Variants in SDK1 observed in about 807,000 individuals in gnomAD.
SDK1 encodes the protein sidekick cell adhesion molecule 1.
SDK1 carries 157 observed loss-of-function variants against 245.5 expected under a neutral mutation model. The ratio of observed to expected loss-of-function variants is 0.64; its 90% CI spans 0.56 to 0.73. The LOEUF (loss-of-function observed/expected upper bound fraction) is 0.73. SDK1 is among the 30% of genes least tolerant of loss of function. The pLI, the probability that SDK1 is intolerant of heterozygous loss-of-function variation, is 0.00. For synonymous variants in SDK1, 1,647 were observed against 1,278.5 expected (o/e 1.29, Z -6.15); for missense variants, 3,583 against 3,002.3 (o/e 1.19, Z -4.52).
chr7:4,102,966 A>G (rs866152700), intron 22 of SDK1, among the ~76,000 whole-genome samples: 2 of 151,396 alleles, frequency 1.3e-5, no homozygotes, highest in Non-Finnish European at 3.0e-5. Context: ...AAAAAAAAAA[A>G]AAAAAAAAAA....
chr7:3,597,864 C>T (rs1032829263), intron 1 of SDK1, among the ~76,000 whole-genome samples: 2 of 152,260 alleles, frequency 1.3e-5, no homozygotes, highest in African/African-American at 4.8e-5. Flanking sequence ...TGTCGTTTTC[C>T]ATGTAGGGCA....
chr7:3,576,280 G>A (rs895177673), intron 1 of SDK1, among the ~76,000 whole-genome samples: 4 of 152,100 alleles, frequency 2.6e-5, no homozygotes, highest in Non-Finnish European at 4.4e-5. Flanking sequence ...CGTTGTTTAC[G>A]GAGTGCTGAC....
At chr7:4,074,422 G>A (rs1017334840) in intron 20 of SDK1, among the ~76,000 whole-genome samples, 1 of 152,138 alleles carries the variant, frequency 6.6e-6, no homozygotes, top group African/African-American at 2.4e-5. Context: ...AGCTTTCTGT[G>A]GCTTGGTTTC....
At chr7:4,028,509 T>C (rs901861906) in intron 17 of SDK1, among the ~76,000 whole-genome samples, 1 of 152,184 alleles carries the variant, frequency 6.6e-6, no homozygotes, top group Non-Finnish European at 1.5e-5. Flanking sequence ...CTCCTTAAAA[T>C]AAAGGTCATG....
At chr7:4,087,510 C>A (rs1781503314) in intron 22 of SDK1, among the ~76,000 whole-genome samples, 1 of 151,224 alleles carries the variant, frequency 6.6e-6, no homozygotes. Flanking sequence ...CATTGCTTGA[C>A]TTTCTTAGGA....
At chr7:3,990,541 C>G (rs1461578679) in intron 14 of SDK1, among the ~76,000 whole-genome samples, 1 of 152,236 alleles carries the variant, frequency 6.6e-6, no homozygotes, top group Non-Finnish European at 1.5e-5. Context: ...TAAAACAGGA[C>G]TTGACAGTGA....
intron 1 of SDK1, among the ~76,000 whole-genome samples, chr7:3,396,983 T>C (rs961905586): frequency 5.9e-5 from 9 of 151,804 alleles, no homozygotes; most frequent in African/African-American, 1.9e-4. Flanking sequence ...TTTTCTTAAA[T>C]GCATCATTCT....
chr7:3,632,834 A>G (rs1782339224), intron 2 of SDK1, among the ~76,000 whole-genome samples: 1 of 152,158 alleles, frequency 6.6e-6, no homozygotes, highest in African/African-American at 2.4e-5. Flanking sequence ...TTCAGTTTGA[A>G]TTGTCCTTGT....
rs746810705 is a variant in SDK1, at chr7:4,132,357, G to T, written c.4162G>T (p.Glu1388Ter). 1 of 1,612,632 alleles carries T rather than the reference G, an allele frequency of 6.2e-7. No homozygotes were observed. Among genetic ancestry groups the T allele is most frequent in the Non-Finnish European group, 8.5e-7 (1 of 1,179,088 alleles). The part of the protein sequence containing the change: ...PGPPVRLVFP[E>*]VRLTSVRIVW... Reference sequence around the variant, plus strand: ...CCCACCAGTGAGGCTCGTGTTCCCCGAAGTGAGACTCACCTCCGTGCGGAT... The same window carrying T: ...CCCACCAGTGAGGCTCGTGTTCCCCTAAGTGAGACTCACCTCCGTGCGGAT... Residue 1388 changes from glutamate to a stop codon, truncating the protein, a stop_gained, in exon 28 of 45, where the codon GAA (glutamate) becomes TAA (stop). Coordinates refer to ENST00000404826, the MANE Select transcript of SDK1 (RefSeq NM_152744.4). LOFTEE classifies it high-confidence loss of function.
intron 14 of SDK1, among the ~76,000 whole-genome samples, chr7:3,991,053 ACAGT>A (rs760556089): frequency 5.3e-5 from 8 of 152,306 alleles, no homozygotes; most frequent in Admixed American, 3.9e-4. Context: ...CAGCAAGGAG[ACAGT>A]CAGAGGCATC....
chr7:3,525,853 G>A (rs1285883204), intron 1 of SDK1, among the ~76,000 whole-genome samples: 3 of 152,012 alleles, frequency 2.0e-5, no homozygotes, highest in Non-Finnish European at 4.4e-5. Context: ...ATTTAATTTT[G>A]TTACTTAAAT....
intron 1 of SDK1, among the ~76,000 whole-genome samples, chr7:3,610,002 A>T (rs1192788148): frequency 6.6e-6 from 1 of 152,200 alleles, no homozygotes; most frequent in African/African-American, 2.4e-5. Flanking sequence ...TACCTGGCAT[A>T]GAGCTGGGAT....
intron 5 of SDK1, among the ~76,000 whole-genome samples, chr7:3,880,805 G>A (rs1206342422): frequency 1.3e-5 from 2 of 152,090 alleles, no homozygotes; most frequent in East Asian, 1.9e-4. Flanking sequence ...GCACAGCTTT[G>A]CCGGCTGTGG....
In SDK1 at chr7:3,585,140, C is replaced by T. The variant is rs533724226; in HGVS notation, c.299-33940C>T. Among the ~76,000 whole-genome samples, 5 of 152,290 alleles carry T rather than the reference C, an allele frequency of 3.3e-5. No homozygotes were observed. In the East Asian group the frequency reaches 9.6e-4, roughly 29 times the overall value. ...CGAAATAAAACATCAGCATGTAATC[C>T]TTGCCTCAGCCTCTGCTTTCCAGAG... On this transcript the variant is annotated intron_variant, in intron 1 of 44. Coordinates refer to ENST00000404826, the MANE Select transcript of SDK1 (RefSeq NM_152744.4).
chr7:4,083,830 C>CCTCT (rs906966116), intron 22 of SDK1, among the ~76,000 whole-genome samples: 1 of 137,914 alleles, frequency 7.3e-6, no homozygotes, highest in Admixed American at 7.3e-5. Flanking sequence ...TCTCTCCCTT[C>CCTCT]CTCTCTCTCT....
At chr7:3,733,982 C>T (rs145294730) in intron 4 of SDK1, among the ~76,000 whole-genome samples, 1 of 152,230 alleles carries the variant, frequency 6.6e-6, no homozygotes, top group Non-Finnish European at 1.5e-5. Context: ...CAAGATGATT[C>T]AGATGTAAGT....
At chr7:4,078,865 G>A (rs1362218558) in intron 21 of SDK1, among the ~76,000 whole-genome samples, 1 of 152,158 alleles carries the variant, frequency 6.6e-6, no homozygotes, top group Non-Finnish European at 1.5e-5. Flanking sequence ...TAGAAGCAGA[G>A]AAAGGAGAGT....
intron 4 of SDK1, among the ~76,000 whole-genome samples, chr7:3,816,341 A>T (rs984719952): frequency 2.4e-4 from 36 of 150,276 alleles, no homozygotes; most frequent in Non-Finnish European, 5.0e-4. Context: ...AAATTGATAG[A>T]CCGCTAGCAA....
chr7:3,423,364 T>C (rs1779584223), intron 1 of SDK1, among the ~76,000 whole-genome samples: 1 of 152,216 alleles, frequency 6.6e-6, no homozygotes, highest in Admixed American at 6.5e-5. Flanking sequence ...AAAAGAACAA[T>C]GAACTTTTGA....
Sources: allele counts gnomAD v4.1 joint callset (sites outside exome capture counted in the v4.1 genomes callset), GRCh38; gene constraint gnomAD v4.1.1; transcripts MANE v1.5; gene names NCBI Gene and HGNC (gene_info 2026-07-23, HGNC 2026-07-21).